SYP: variants seen among roughly 807,000 people sequenced by gnomAD.
The protein encoded by SYP is synaptophysin.
A neutral mutation model predicts 24.3 loss-of-function variants in SYP; 2 were observed. That is an observed-to-expected ratio of 0.08 (90% CI 0.03 to 0.26). The LOEUF (loss-of-function observed/expected upper bound fraction) is 0.26. Among genes scored for constraint, SYP ranks in the 10% least tolerant of loss-of-function variants. The pLI, the probability that SYP is intolerant of heterozygous loss-of-function variation, is 1.00. For synonymous variants in SYP, 143 were observed against 123.2 expected (o/e 1.16, Z -1.07); for missense variants, 216 against 266.3 (o/e 0.81, Z 1.32).
chrX:49,194,654 G>A (rs2065522059), intron 3 of SYP, among the ~76,000 whole-genome samples: 1 of 105,736 alleles, frequency 9.5e-6, no homozygotes, highest in Admixed American at 1.0e-4. Flanking sequence ...TGTTCCCTTT[G>A]CCAGGAATGC....
intron 6 of SYP, among the ~76,000 whole-genome samples, chrX:49,189,819 G>A (rs1277484783): frequency 9.0e-6 from 1 of 111,583 alleles, no homozygotes; most frequent in Non-Finnish European, 1.9e-5. Context: ...ACCACGCCCA[G>A]CCTGCGACAG....
intron 3 of SYP, among the ~76,000 whole-genome samples, chrX:49,194,704 C>CTTTTTTT (rs34247999): frequency 8.9e-4 from 51 of 57,404 alleles, no homozygotes; most frequent in Middle Eastern, 0.02. Context: ...CCCTCATCTC[C>CTTTTTTT]TTTTTTTTTT....
intron 5 of SYP, among the ~76,000 whole-genome samples, chrX:49,192,916 C>G (rs1394900086): frequency 4.5e-5 from 5 of 111,700 alleles, no homozygotes; most frequent in African/African-American, 1.6e-4. Context: ...CGCAGACAGT[C>G]TGACTCCAGC....
At chrX:49,192,023 C>T (rs1262734266) in intron 5 of SYP, among the ~76,000 whole-genome samples, 1 of 112,366 alleles carries the variant, frequency 8.9e-6, no homozygotes, top group African/African-American at 3.2e-5. Flanking sequence ...CATATTTGCA[C>T]ATATACACAT....
At chrX:49,192,136 T>G (rs1243582703) in intron 5 of SYP, among the ~76,000 whole-genome samples, 1 of 112,984 alleles carries the variant, frequency 8.9e-6, no homozygotes, top group African/African-American at 3.2e-5. Context: ...CTAACATGCA[T>G]CTAAATAAAT....
Position 49,191,505 on chromosome X carries a change from G to A in SYP, c.874C>T (p.Gln292Ter). The A allele has an allele frequency of 8.3e-7, 1 of 1,211,315 alleles. No homozygotes were observed. Among genetic ancestry groups the A allele is most frequent in the Non-Finnish European group, 1.1e-6 (1 of 895,466 alleles). ...AGSGGSGYGPQGDYGQQGYGP... is the reference protein window; with the variant it reads ...AGSGGSGYGP ...TAGCCTTGCTGCCCATAGTCGCCCT[G>A]AGGCCCGTAGCCACTGCCACCGCTG... Residue 292 changes from glutamine (Q) to a stop codon, truncating the protein, a stop_gained, in exon 6 of 7, where the codon CAG (glutamine) becomes TAG (stop). Transcript: ENST00000263233. LOFTEE classifies it high-confidence loss of function.
rs781949782 is a variant in SYP, at chrX:49,197,779, C to T, written c.163G>A (p.Val55Met). 1.6e-5 allele frequency: 19 copies of T among 1,207,508 alleles called. No individual in the cohort carries two copies. The highest frequency in any genetic ancestry group is 6.6e-5 in the Admixed American group (3 of 45,593). ...CTCTCGGTCTTGTTGGCACAATCCA[C>T]GCTCAGCTGGAGCTCCCCACTGTAG... ...GSYSGELQLS[V>M]DCANKTESDL... is the part of the protein sequence containing the mutation. Residue 55 changes from valine (V) to methionine (M), a missense_variant, in exon 3 of 7, where the codon GTG becomes ATG. Val to Met is a conservative substitution (Grantham distance 21). Transcript: ENST00000263233.
intron 1 of SYP, among the ~76,000 whole-genome samples, chrX:49,199,727 CTGTT>C (rs1171806269): frequency 1.1e-4 from 12 of 109,140 alleles, no homozygotes; most frequent in Non-Finnish European, 1.3e-4. Flanking sequence ...GGTACAGTCT[CTGTT>C]TGGGAGGGGC....
Position 49,193,275 on chromosome X carries a change from C to G in SYP, c.612G>C (p.Ser204=). The G allele has an allele frequency of 8.3e-7, 1 of 1,211,834 alleles. No individual in the cohort carries two copies. Among genetic ancestry groups the G allele is most frequent in the Non-Finnish European group, 1.1e-6 (1 of 895,383 alleles). Residue 204 remains serine, a synonymous_variant, in exon 5 of 7, where the codon TCG becomes TCC. Transcript: ENST00000263233. ...CCAGCCAGCACCCAGGGCTTACCAC[C>G]GAGGTGTTGAGTCCCGAGGTCACAG... The part of the protein sequence containing the change: ...RDPVTSGLNT[S]VVFGFLNLVL...
chrX:49,197,589 T>G (rs2065532752), intron 3 of SYP, 126 bp downstream of exon 3: 3 of 990,844 alleles, frequency 3.0e-6, no homozygotes, highest in Non-Finnish European at 4.1e-6. Context: ...AGGTGCTCAG[T>G]GATCCCAGTG....
rs781803684 is a variant in SYP at position 49,191,423 on chromosome X, G to A, written c.*4+10C>T. The A allele has an allele frequency of 2.5e-6, 3 of 1,208,002 alleles. No individual in the cohort carries two copies. In the African/African-American group the frequency reaches 5.2e-5, roughly 21 times the overall value. On this transcript the variant is annotated intron_variant, in intron 6 of 6. Coordinates refer to ENST00000263233, the MANE Select transcript of SYP (RefSeq NM_003179.3). ...ACCCTCCTTGGCCGCACCGCTCGCCGGTCACTCACCAGACTACATCTGATT... is the reference window on the plus strand; with the variant it reads ...ACCCTCCTTGGCCGCACCGCTCGCCAGTCACTCACCAGACTACATCTGATT...
intron 6 of SYP, among the ~76,000 whole-genome samples, chrX:49,190,283 G>A (rs1557102497): frequency 9.2e-6 from 1 of 108,793 alleles, no homozygotes; most frequent in East Asian, 2.9e-4. Flanking sequence ...AGATTCAAGC[G>A]ATTCTCCTGC....
chrX:49,191,473 C>T lies in SYP; in HGVS notation c.906G>A (p.Pro302=), dbSNP rs2065508186. 2 of 1,210,258 alleles carry T rather than the reference C, an allele frequency of 1.7e-6. No individual in the cohort carries two copies. The highest frequency in any genetic ancestry group is 2.2e-6 in the Non-Finnish European group (2 of 895,234). ...QGDYGQQGYG[P]QGAPTSFSNQ... Reference sequence around the variant, plus strand: ...TGGAGAAGGAGGTGGGTGCACCCTGCGGGCCGTAGCCTTGCTGCCCATAGT... The same window carrying T: ...TGGAGAAGGAGGTGGGTGCACCCTGTGGGCCGTAGCCTTGCTGCCCATAGT... Residue 302 remains proline, a synonymous_variant, in exon 6 of 7, where the codon CCG becomes CCA. Coordinates refer to ENST00000263233, the MANE Select transcript of SYP (RefSeq NM_003179.3).
In SYP at chrX:49,194,196, C is replaced by G. The variant is rs2065520540; in HGVS notation, c.393G>C (p.Lys131Asn). ...ALATYIFLQNKYRENNKGPML... is the reference protein window; with the variant it reads ...ALATYIFLQNNYRENNKGPML... ...TGGGCCCTTTGTTATTCTCTCGGTA[C>G]TTGTTCTGCAGGAAGATGTAGGTGG... Residue 131 changes from lysine to asparagine, a missense_variant, in exon 4 of 7, where the codon AAG becomes AAC. Physicochemically the swap from Lys to Asn is moderately conservative, Grantham distance 94. This residue lies in a region of SYP where 102 missense variants were observed against 158.4 expected (regional missense o/e 0.64). Coordinates refer to ENST00000263233, the MANE Select transcript of SYP (RefSeq NM_003179.3). 1 of 1,211,581 alleles carries G rather than the reference C, an allele frequency of 8.3e-7. No individual in the cohort carries two copies. Among genetic ancestry groups the G allele is most frequent in the Non-Finnish European group, 1.1e-6 (1 of 895,510 alleles).
Position 49,197,916 on chromosome X carries a change from C to T in SYP, c.103-77G>A, listed in dbSNP as rs1043373158. The T allele has an allele frequency of 1.0e-5, 12 of 1,177,152 alleles. No individual in the cohort carries two copies. In the South Asian group the frequency reaches 1.7e-4, roughly 16 times the overall value. ...GGGAGGTGCCCTCCTCTGGACAGAT[C>T]GGGGGCCCAGCACAGGCAGCAGCAG... On this transcript the variant is annotated intron_variant, in intron 2 of 6. Transcript: ENST00000263233.
chrX:49,197,979 CATCGGG>C (rs1325226067), intron 2 of SYP, 140 bp from the exon 3 acceptor site: 129 of 788,346 alleles, frequency 1.6e-4, no homozygotes, highest in Middle Eastern at 4.2e-4. Flanking sequence ...AATCAGGGCT[CATCGGG>C]ACCAAGGACA....
At position 49,191,551 on chromosome X, in the gene SYP, A is replaced by G; in HGVS notation, c.828T>C (p.Pro276=). Residue 276 remains proline, a synonymous_variant, in exon 6 of 7, where the codon CCT becomes CCC. Transcript: ENST00000263233. ...CGCTGCCGGCTGGTTGACCATAGTC[A>G]GGCTGGTAGCCGCCCTGAGGCCCGT... ...DSYGPQGGYQ[P]DYGQPAGSGG... 4.1e-6 allele frequency: 5 copies of G among 1,210,443 alleles called. No individual in the cohort carries two copies. The highest frequency in any genetic ancestry group is 5.6e-6 in the Non-Finnish European group (5 of 895,187).
intron 3 of SYP, among the ~76,000 whole-genome samples, chrX:49,196,638 G>A (rs1602612553): frequency 9.0e-6 from 1 of 111,670 alleles, no homozygotes; most frequent in East Asian, 2.8e-4. Flanking sequence ...GAGTGGTTAT[G>A]TGATTTGGCC....
intron 4 of SYP, among the ~76,000 whole-genome samples, chrX:49,193,816 G>A (rs782419461): frequency 2.7e-5 from 3 of 112,002 alleles, no homozygotes; most frequent in Non-Finnish European, 5.6e-5. Flanking sequence ...TGAGTACAGT[G>A]GTGTAGGAAT....
Sources: gnomAD v4.1 joint callset for allele counts (sites outside exome capture counted in the v4.1 genomes callset) on GRCh38, gnomAD v4.1.1 for gene constraint, gnomAD v4.1.1 regional missense constraint, MANE v1.5 for transcripts, NCBI Gene and HGNC (gene_info 2026-07-23, HGNC 2026-07-21) for gene names.